The following ANKS1A variants were observed in gnomAD, a reference collection of about 807,000 sequenced individuals.
ANKS1A encodes the protein ankyrin repeat and sterile alpha motif domain containing 1A, also known as ankyrin repeat and SAM domain-containing protein 1A.
Under a neutral mutation model 120.3 loss-of-function variants are expected in ANKS1A, and 55 were observed. The observed-to-expected ratio is 0.46, with a 90% CI of 0.37 to 0.57. The LOEUF (loss-of-function observed/expected upper bound fraction) is 0.57, where lower values mean the gene tolerates loss of function less well. ANKS1A is among the 20% of genes least tolerant of loss of function. The probability of loss-of-function intolerance (pLI) is 0.00; values close to 1 mark genes in which losing one functional copy is unlikely to be tolerated. For synonymous variants in ANKS1A, 590 were observed against 604.7 expected (o/e 0.98, Z 0.36); for missense variants, 1,123 against 1,480.3 (o/e 0.76, Z 3.96).
intron 10 of ANKS1A, among the ~76,000 whole-genome samples, chr6:34,999,083 T>C (rs1773011520): frequency 6.6e-6 from 1 of 152,028 alleles, no homozygotes. Context: ...GCATTTGGAG[T>C]CTGGACATCT....
At chr6:35,032,770 C>A (rs1774973087) in intron 11 of ANKS1A, among the ~76,000 whole-genome samples, 1 of 152,088 alleles carries the variant, frequency 6.6e-6, no homozygotes, top group African/African-American at 2.4e-5. Context: ...AAGGTAGAGC[C>A]CTTTTTTATG....
At chr6:35,037,745 G>A (rs1465186351) in intron 11 of ANKS1A, among the ~76,000 whole-genome samples, 1 of 152,168 alleles carries the variant, frequency 6.6e-6, no homozygotes, top group Non-Finnish European at 1.5e-5. Context: ...AGTCACAGGT[G>A]CTTGCAGTTG....
rs186208166 is a variant in ANKS1A, at chr6:35,052,083, G to A, written c.2011-2016G>A. Among the ~76,000 whole-genome samples, 339 of 152,256 alleles carry A rather than the reference G, an allele frequency of 2.2e-3. 1 individual carries two copies. The highest frequency in any genetic ancestry group is 3.4e-3 in the Non-Finnish European group (234 of 68,014). On this transcript the variant is annotated intron_variant, in intron 11 of 23. Coordinates refer to ENST00000360359, the MANE Select transcript of ANKS1A (RefSeq NM_015245.3). ...TAGTCCCAGCACTTTGGGAGGCCAA[G>A]GCAGGAAGATCACTTGAGCCCAGGA...
intron 1 of ANKS1A, among the ~76,000 whole-genome samples, chr6:34,902,102 G>C (rs1179402569): frequency 6.6e-6 from 1 of 152,158 alleles, no homozygotes; most frequent in Non-Finnish European, 1.5e-5. Flanking sequence ...TTAAGACTCA[G>C]CTGGAGAATA....
chr6:35,048,115 C>T (rs553121769), intron 11 of ANKS1A, among the ~76,000 whole-genome samples: 1 of 152,356 alleles, frequency 6.6e-6, no homozygotes, highest in South Asian at 2.1e-4. Context: ...TTTCCTCTCT[C>T]CACCAGCCTA....
In ANKS1A at chr6:34,982,076, T is replaced by C. The variant is rs944161926; in HGVS notation, c.732+90T>C. ...GACCATGCTGCTGGGCTGTGCTCTT[T>C]ATTTAGCACGTTTCACATCATGTTT... On this transcript the variant is annotated intron_variant, in intron 4 of 23. Transcript: ENST00000360359. The surrounding 1 kb of genome is among the most constrained non-coding windows in gnomAD (Gnocchi z 4.9). 6.2e-6 allele frequency: 9 copies of C among 1,460,468 alleles called. No homozygotes were observed. The East Asian group carries it at 1.8e-4, about 30-fold the overall frequency. The allele number at this position is 1,460,468 out of a possible 1,614,324, so 90.5% of individuals were successfully genotyped here.
intron 23 of ANKS1A, 95 bp from the exon 24 acceptor site, chr6:35,088,511 G>T: frequency 6.5e-7 from 1 of 1,529,324 alleles, no homozygotes; most frequent in South Asian, 1.1e-5. Context: ...GTGAGGGATC[G>T]TCTGTCCTGC....
At chr6:35,031,124 G>A (rs1469681340) in intron 11 of ANKS1A, among the ~76,000 whole-genome samples, 1 of 152,174 alleles carries the variant, frequency 6.6e-6, no homozygotes, top group Non-Finnish European at 1.5e-5. Flanking sequence ...CCTCCATCAG[G>A]AGGCCATACA....
intron 2 of ANKS1A, among the ~76,000 whole-genome samples, chr6:34,969,568 G>A (rs1771077307): frequency 6.6e-6 from 1 of 152,150 alleles, no homozygotes; most frequent in Non-Finnish European, 1.5e-5. Context: ...AGTAACTTTT[G>A]TTCTGCTTGG....
At chr6:34,911,119 G>A (rs1252914726) in intron 1 of ANKS1A, among the ~76,000 whole-genome samples, 1 of 152,058 alleles carries the variant, frequency 6.6e-6, no homozygotes, top group Non-Finnish European at 1.5e-5. Context: ...TTTTAAGCAG[G>A]CAGATAAGTC....
intron 12 of ANKS1A, 25 bp downstream of exon 12, chr6:35,054,190 C>G (rs1403024743): frequency 6.2e-7 from 1 of 1,610,150 alleles, no homozygotes; most frequent in Non-Finnish European, 8.5e-7. Flanking sequence ...GGCCATTTTC[C>G]CCACAGAAAC....
rs957201354 is a variant in ANKS1A, at chr6:34,947,241, G to A, written c.198-19998G>A. ...GCTCACTACAACCTCTGCCTCCCAG[G>A]TTCAGGTGATTCTCCTGTCTCAGCC... On this transcript the variant is annotated intron_variant, in intron 1 of 23. Transcript: ENST00000360359. 4.0e-5 allele frequency among the ~76,000 whole-genome samples: 6 copies of A among 149,512 alleles called. No individual in the cohort carries two copies. The East Asian group carries it at 1.2e-3, about 30-fold the overall frequency.
At chr6:35,071,176 TC>T (rs1777067523) in intron 13 of ANKS1A, 1 of 263,900 alleles carries the variant, frequency 3.8e-6, no homozygotes, top group East Asian at 9.3e-5. Flanking sequence ...CTTTGAGTTG[TC>T]CCTCCTTTCC....
intron 1 of ANKS1A, among the ~76,000 whole-genome samples, chr6:34,950,120 C>T (rs928150447): frequency 5.9e-5 from 9 of 151,794 alleles, no homozygotes; most frequent in African/African-American, 1.9e-4. Flanking sequence ...CTTGAGGTTA[C>T]AGTGAGCTAT....
rs1473591200 is a variant in ANKS1A at position 35,082,528 on chromosome 6, G to A, written c.2710-163G>A. On this transcript the variant is annotated intron_variant, in intron 17 of 23. Coordinates refer to ENST00000360359, the MANE Select transcript of ANKS1A (RefSeq NM_015245.3). This position sits in a 1 kb window ranked among gnomAD's most constrained non-coding sequence, Gnocchi z 4.1. ...CTGTGGCTAGCACCTCCCCTCTCCCGCAGTGTGTTTGAATTGCTGGTCTGC... is the reference window on the plus strand; with the variant it reads ...CTGTGGCTAGCACCTCCCCTCTCCCACAGTGTGTTTGAATTGCTGGTCTGC... Among the ~76,000 whole-genome samples, 3 of 152,012 alleles carry A rather than the reference G, an allele frequency of 2.0e-5. No homozygotes were observed. Among genetic ancestry groups the A allele is most frequent in the Non-Finnish European group, 2.9e-5 (2 of 68,000 alleles).
At position 35,056,256 on chromosome 6, in the gene ANKS1A, C is replaced by T. The variant is rs138830776; in HGVS notation, c.2077+2091C>T. On this transcript the variant is annotated intron_variant, in intron 12 of 23. Coordinates refer to ENST00000360359, the MANE Select transcript of ANKS1A (RefSeq NM_015245.3). ...TGACATCTGGTCTCCTGTCTGATCC[C>T]ACCTACTAGTTTTTTGTTTGTTTGT... Among the ~76,000 whole-genome samples, 472 of 152,312 alleles carry T rather than the reference C, an allele frequency of 3.1e-3. 2 individuals carry two copies. Among genetic ancestry groups the T allele is most frequent in the African/African-American group, 0.01 (417 of 41,566 alleles).
At chr6:34,986,658 G>A (rs1477717079) in intron 8 of ANKS1A, among the ~76,000 whole-genome samples, 1 of 152,136 alleles carries the variant, frequency 6.6e-6, no homozygotes, top group Non-Finnish European at 1.5e-5. Flanking sequence ...TTTTTCATTA[G>A]GCTCTTTGCT....
chr6:34,973,136 C>T (rs1771270684), intron 3 of ANKS1A, among the ~76,000 whole-genome samples: 1 of 152,148 alleles, frequency 6.6e-6, no homozygotes. Context: ...GAGGAAAGGA[C>T]ATGGTTGATC....
At chr6:35,065,554 C>T (rs375467827) in intron 13 of ANKS1A, among the ~76,000 whole-genome samples, 1 of 152,224 alleles carries the variant, frequency 6.6e-6, no homozygotes, top group East Asian at 1.9e-4. Context: ...GGTAATGTGC[C>T]CACTGTCACC....
Sources: gnomAD v4.1 joint callset for allele counts (sites outside exome capture counted in the v4.1 genomes callset) on GRCh38, gnomAD v4.1.1 for gene constraint, Gnocchi (gnomAD v3.1) non-coding constraint, MANE v1.5 for transcripts, NCBI Gene and HGNC (gene_info 2026-07-23, HGNC 2026-07-21) for gene names.